The following SRPX variants were observed in gnomAD, a reference collection of about 807,000 sequenced individuals.
The protein encoded by SRPX is sushi repeat containing protein X-linked, also known as sushi repeat-containing protein SRPX.
In SRPX, 24 loss-of-function variants were observed where a neutral mutation model predicts 38.1. The ratio of observed to expected loss-of-function variants is 0.63; its 90% confidence interval spans 0.46 to 0.89. The LOEUF (loss-of-function observed/expected upper bound fraction) is 0.89. SRPX is among the 40% of genes least tolerant of loss of function. The pLI is 0.00. For missense variants in SRPX, 416 were observed against 377.8 expected (o/e 1.10, Z -0.84); for synonymous variants, 184 against 153.8 (o/e 1.20, Z -1.45).
At chrX:38,190,025 C>T (rs765848747) in intron 1 of SRPX, among the ~76,000 whole-genome samples, 3 of 112,220 alleles carry the variant, frequency 2.7e-5, no homozygotes, top group Non-Finnish European at 5.6e-5. Context: ...CAAAAAGCTG[C>T]CCAAATAAAG....
intron 1 of SRPX, among the ~76,000 whole-genome samples, chrX:38,203,361 C>T (rs756916579): frequency 1.5e-4 from 17 of 112,532 alleles, no homozygotes; most frequent in African/African-American, 5.2e-4. Context: ...GGTGCTTTCC[C>T]CCTAAGACTG....
At chrX:38,169,405 A>G (rs1275490564) in intron 4 of SRPX, among the ~76,000 whole-genome samples, 1 of 112,224 alleles carries the variant, frequency 8.9e-6, no homozygotes, top group African/African-American at 3.2e-5. Context: ...AACGTATGCC[A>G]TCAATTTCCA....
At chrX:38,208,816 T>A (rs1160943084) in intron 1 of SRPX, among the ~76,000 whole-genome samples, 1 of 106,415 alleles carries the variant, frequency 9.4e-6, no homozygotes, top group East Asian at 2.9e-4. Flanking sequence ...TAGCCGGGAC[T>A]ACAGGTGAGT....
At chrX:38,157,719 T>A (rs189620024) in intron 7 of SRPX, among the ~76,000 whole-genome samples, 54 of 112,429 alleles carry the variant, frequency 4.8e-4, no homozygotes, top group African/African-American at 1.6e-3. Context: ...ATTCTGTCTA[T>A]GTCAGGAAGT....
chrX:38,199,028 C>G (rs936353425), intron 1 of SRPX, among the ~76,000 whole-genome samples: 1 of 110,699 alleles, frequency 9.0e-6, no homozygotes, highest in African/African-American at 3.3e-5. Context: ...ACCGCAATTA[C>G]TTTTGCACCA....
chrX:38,213,090 T>C (rs753406064), intron 1 of SRPX, among the ~76,000 whole-genome samples: 13 of 109,455 alleles, frequency 1.2e-4, no homozygotes, highest in Non-Finnish European at 2.3e-4. Context: ...GAAAGCACTA[T>C]ACTAAGTGAA....
chrX:38,200,634 A>G (rs1939092192), intron 1 of SRPX, among the ~76,000 whole-genome samples: 1 of 111,736 alleles, frequency 8.9e-6, no homozygotes, highest in Admixed American at 9.5e-5. Flanking sequence ...AGTACATGAG[A>G]CAGAAAGGGA....
intron 8 of SRPX, 55 bp downstream of exon 8, chrX:38,156,841 G>A: frequency 1.7e-6 from 2 of 1,169,245 alleles, no homozygotes; most frequent in Non-Finnish European, 2.3e-6. Flanking sequence ...TGAAATGGCT[G>A]GGCCCTTCCT....
At chrX:38,172,893 TGAGA>T (rs776204349) in intron 3 of SRPX, among the ~76,000 whole-genome samples, 1 of 109,375 alleles carries the variant, frequency 9.1e-6, no homozygotes, top group Non-Finnish European at 1.9e-5. Context: ...AGTGAGAGAG[TGAGA>T]GAGAGAGAGA....
chrX:38,170,682 G>A (rs1384309950), intron 4 of SRPX, among the ~76,000 whole-genome samples: 1 of 111,846 alleles, frequency 8.9e-6, no homozygotes, highest in Non-Finnish European at 1.9e-5. Context: ...AAGGTTCCAG[G>A]CGCATCTGGT....
At chrX:38,160,810 C>T (rs1192669049) in intron 6 of SRPX, 123 bp downstream of exon 6, 1 of 879,476 alleles carries the variant, frequency 1.1e-6, no homozygotes, top group African/African-American at 2.0e-5. Context: ...TTATTAGAGA[C>T]TAATCTAAAG....
At chrX:38,158,873 G>A (rs949463373) in intron 7 of SRPX, among the ~76,000 whole-genome samples, 2 of 110,295 alleles carry the variant, frequency 1.8e-5, no homozygotes, top group Non-Finnish European at 3.8e-5. Context: ...CCAGCTGCTC[G>A]GGAGGCTGGG....
intron 1 of SRPX, among the ~76,000 whole-genome samples, chrX:38,212,031 G>T (rs1367680733): frequency 8.9e-6 from 1 of 112,108 alleles, no homozygotes; most frequent in Non-Finnish European, 1.9e-5. Flanking sequence ...AGTCTTGCCG[G>T]AGTGGCAGGA....
intron 4 of SRPX, among the ~76,000 whole-genome samples, chrX:38,168,813 A>T (rs965095143): frequency 1.8e-5 from 2 of 111,908 alleles, no homozygotes; most frequent in Non-Finnish European, 3.8e-5. Flanking sequence ...ACTTTCCAAA[A>T]CAGACAAAAG....
chrX:38,189,348 T>C (rs1938851865), intron 1 of SRPX, among the ~76,000 whole-genome samples: 1 of 112,102 alleles, frequency 8.9e-6, no homozygotes, highest in South Asian at 3.7e-4. Flanking sequence ...CAAATTACCA[T>C]GGCACATCAT....
At position 38,204,566 on chromosome X, in the gene SRPX, G is replaced by C. The variant is rs182892939; in HGVS notation, c.97+16130C>G. 3.4e-3 allele frequency among the ~76,000 whole-genome samples: 378 copies of C among 111,967 alleles called. 3 individuals are homozygous for C. The highest frequency in any genetic ancestry group is 0.012 in the African/African-American group (363 of 30,871). ...AATTTTTTTTATTCCAGAAATTTCA[G>C]GAATGTTCAATGCATGAAGAGGGGC... On this transcript the variant is annotated intron_variant, in intron 1 of 9. Transcript: ENST00000378533.
At chrX:38,161,446 A>G (rs1258708508) in intron 5 of SRPX, among the ~76,000 whole-genome samples, 1 of 103,368 alleles carries the variant, frequency 9.7e-6, no homozygotes, top group Admixed American at 1.0e-4. Flanking sequence ...GAGGAAAATC[A>G]TTAGAGAATA....
At chrX:38,191,843 C>T (rs748688389) in intron 1 of SRPX, among the ~76,000 whole-genome samples, 2 of 111,995 alleles carry the variant, frequency 1.8e-5, no homozygotes, top group African/African-American at 6.5e-5. Context: ...TATTACACAC[C>T]TTATCTAGAA....
intron 1 of SRPX, among the ~76,000 whole-genome samples, chrX:38,214,491 G>A (rs764007212): frequency 2.8e-4 from 31 of 111,455 alleles, no homozygotes; most frequent in Non-Finnish European, 5.3e-4. Context: ...TAGACCATGA[G>A]AATACAAAAA....
Sources: allele counts gnomAD v4.1 joint callset (sites outside exome capture counted in the v4.1 genomes callset), GRCh38; gene constraint gnomAD v4.1.1; transcripts MANE v1.5; gene names NCBI Gene and HGNC (gene_info 2026-07-23, HGNC 2026-07-21).